DIAPH2: variants seen among roughly 807,000 people sequenced by gnomAD.
The protein encoded by DIAPH2 is protein diaphanous homolog 2.
Under a neutral mutation model 92.7 loss-of-function variants are expected in DIAPH2, and 35 were observed. The ratio of observed to expected loss-of-function variants is 0.38; its 90% CI spans 0.29 to 0.50. The LOEUF is 0.50. Ranked by LOEUF, DIAPH2 falls within the 20% of genes least tolerant of loss-of-function variation. The pLI, the probability that DIAPH2 is intolerant of heterozygous loss-of-function variation, is 0.94. For synonymous variants in DIAPH2, 301 were observed against 280.4 expected (o/e 1.07, Z -0.73); for missense variants, 701 against 819.5 (o/e 0.86, Z 1.77).
chrX:96,914,515 C>G (rs1411203568), intron 7 of DIAPH2, among the ~76,000 whole-genome samples: 1 of 111,243 alleles, frequency 9.0e-6, no homozygotes, highest in Non-Finnish European at 1.9e-5. Flanking sequence ...CTCTGAGTAT[C>G]AGTCCCCTCA....
At chrX:96,818,439 C>T (rs1453663025) in intron 4 of DIAPH2, among the ~76,000 whole-genome samples, 2 of 111,670 alleles carry the variant, frequency 1.8e-5, no homozygotes, top group Non-Finnish European at 1.9e-5. Context: ...ACTAAGTATC[C>T]ACTTGTCTTC....
intron 4 of DIAPH2, among the ~76,000 whole-genome samples, chrX:96,857,572 C>A (rs747244660): frequency 1.8e-5 from 2 of 111,979 alleles, no homozygotes; most frequent in African/African-American, 6.5e-5. Context: ...TTAGGGGTAC[C>A]AAGCTAACTA....
intron 1 of DIAPH2, among the ~76,000 whole-genome samples, chrX:96,708,985 G>A (rs756000013): frequency 1.8e-5 from 2 of 112,024 alleles, no homozygotes; most frequent in Non-Finnish European, 3.8e-5. Context: ...TGGGACTTCC[G>A]TAAGTCTAGG....
At chrX:96,760,496 CAT>C (rs2064260933) in intron 4 of DIAPH2, among the ~76,000 whole-genome samples, 1 of 110,947 alleles carries the variant, frequency 9.0e-6, no homozygotes. Context: ...ACATGTAAAA[CAT>C]GTGAGAATTG....
chrX:97,007,564 C>T (rs1412451265), intron 17 of DIAPH2, among the ~76,000 whole-genome samples: 1 of 109,454 alleles, frequency 9.1e-6, no homozygotes, highest in Non-Finnish European at 1.9e-5. Context: ...TTATTTGTCT[C>T]CTTTCTTTTG....
chrX:97,542,796 A>G (rs1489039159), intron 26 of DIAPH2, among the ~76,000 whole-genome samples: 3 of 111,141 alleles, frequency 2.7e-5, no homozygotes, highest in Non-Finnish European at 3.8e-5. Context: ...GATCTTAAAC[A>G]TATAAGCTAA....
intron 9 of DIAPH2, among the ~76,000 whole-genome samples, chrX:96,926,876 G>A (rs926929686): frequency 9.9e-5 from 11 of 111,113 alleles, no homozygotes; most frequent in Non-Finnish European, 1.9e-4. Flanking sequence ...CTGATTTTTT[G>A]TGACTTTAAA....
At chrX:96,853,107 A>G (rs1310885193) in intron 4 of DIAPH2, among the ~76,000 whole-genome samples, 2 of 111,753 alleles carry the variant, frequency 1.8e-5, no homozygotes, top group East Asian at 2.8e-4. Flanking sequence ...CAGTAAGTGT[A>G]TTTCCATTAT....
At chrX:96,919,637 AT>A (rs1265966701) in intron 9 of DIAPH2, among the ~76,000 whole-genome samples, 6 of 111,378 alleles carry the variant, frequency 5.4e-5, no homozygotes, top group African/African-American at 1.6e-4. Context: ...ATTATGAAGT[AT>A]TTTTTGTATT....
chrX:97,060,195 C>G (rs2066587548), intron 17 of DIAPH2, among the ~76,000 whole-genome samples: 1 of 112,432 alleles, frequency 8.9e-6, no homozygotes, highest in Non-Finnish European at 1.9e-5. Flanking sequence ...CAACAATGAT[C>G]CCCCACAGTG....
At chrX:96,946,258 T>C (rs2065737741) in intron 14 of DIAPH2, among the ~76,000 whole-genome samples, 1 of 111,702 alleles carries the variant, frequency 9.0e-6, no homozygotes, top group South Asian at 3.7e-4. Context: ...GAAGCATAGC[T>C]ATAATTTTAT....
chrX:97,247,604 G>C, intron 22 of DIAPH2, 111 bp from the exon 23 acceptor site: 1 of 674,270 alleles, frequency 1.5e-6, no homozygotes, highest in Non-Finnish European at 2.2e-6. Flanking sequence ...TGACTTCATG[G>C]AACTATTTCC....
At position 97,095,368 on chromosome X, in the gene DIAPH2, G is replaced by A. The variant is rs776110741; in HGVS notation, c.2248-4326G>A. Among the ~76,000 whole-genome samples the A allele has an allele frequency of 3.2e-4, 34 of 106,878 alleles. 1 individual carries two copies. The East Asian group carries it at 7.6e-3, about 24-fold the overall frequency. 92.8% of individuals were successfully genotyped at this position (106,878 alleles called of 115,157 possible). A position where few individuals can be genotyped will look rare whatever the true frequency, so the allele number is the denominator to read the frequency against. ...CCTGACCTCGTGATCCACCTGCCTC[G>A]GCCTCCCAAAGTGCTGGGATTACAG... On this transcript the variant is annotated intron_variant, in intron 19 of 26. Coordinates refer to ENST00000324765, the MANE Select transcript of DIAPH2 (RefSeq NM_006729.5).
intron 4 of DIAPH2, 69 bp downstream of exon 4, chrX:96,758,327 A>G: frequency 2.1e-6 from 2 of 935,441 alleles, no homozygotes; most frequent in African/African-American, 2.0e-5. Flanking sequence ...GCTTAAAAAT[A>G]AACAAACCTC....
intron 20 of DIAPH2, among the ~76,000 whole-genome samples, chrX:97,100,450 T>G (rs185880840): frequency 2.4e-3 from 272 of 111,803 alleles, no homozygotes; most frequent in South Asian, 7.1e-3. Context: ...AAGATTATAG[T>G]TATATTTTAA....
chrX:97,352,410 A>G (rs926019854), intron 24 of DIAPH2, among the ~76,000 whole-genome samples: 2 of 111,431 alleles, frequency 1.8e-5, no homozygotes, highest in Admixed American at 9.5e-5. Flanking sequence ...GAAGACTTCT[A>G]TTAGTTAATA....
At chrX:97,159,507 A>C (rs1471792929) in intron 22 of DIAPH2, among the ~76,000 whole-genome samples, 1 of 111,680 alleles carries the variant, frequency 9.0e-6, no homozygotes, top group East Asian at 2.8e-4. Context: ...TCCTGCTACC[A>C]ATGAGCGATG....
At chrX:97,123,506 A>G (rs1297355593) in intron 21 of DIAPH2, among the ~76,000 whole-genome samples, 1 of 112,472 alleles carries the variant, frequency 8.9e-6, no homozygotes, top group South Asian at 3.7e-4. Flanking sequence ...TAATTGCTGT[A>G]TGTTATTCAT....
At chrX:97,110,670 G>A (rs1415789735) in intron 20 of DIAPH2, among the ~76,000 whole-genome samples, 3 of 111,848 alleles carry the variant, frequency 2.7e-5, no homozygotes, top group African/African-American at 6.5e-5. Flanking sequence ...GGGAAAATAA[G>A]AGCATCATTG....
Sources: gnomAD v4.1 joint callset for allele counts (sites outside exome capture counted in the v4.1 genomes callset) on GRCh38, gnomAD v4.1.1 for gene constraint, MANE v1.5 for transcripts, NCBI Gene and HGNC (gene_info 2026-07-23, HGNC 2026-07-21) for gene names.